SH3BP4: variants seen among roughly 807,000 people sequenced by gnomAD.
The protein encoded by SH3BP4 is SH3 domain binding protein 4.
In SH3BP4, 33 loss-of-function variants were observed where a neutral mutation model predicts 65.5. The observed-to-expected ratio is 0.50, with a 90% confidence interval of 0.38 to 0.67. The LOEUF is 0.67. Ranked by LOEUF, SH3BP4 falls within the 30% of genes least tolerant of loss-of-function variation. The probability of loss-of-function intolerance (pLI) is 0.00; values close to 1 mark genes in which losing one functional copy is unlikely to be tolerated. For missense variants in SH3BP4, 1,134 were observed against 1,261.4 expected (o/e 0.90, Z 1.53); for synonymous variants, 552 against 545.5 (o/e 1.01, Z -0.17).
chr2:235,041,384 C>T lies in SH3BP4; in HGVS notation c.615C>T (p.Ser205=), dbSNP rs1695636727. ...CAGGTACATCCTCCTTCACCGAATC[C>T]AGCTCAGCCACCACGAATAGCACTG... The part of the protein sequence containing the change: ...FDAGTSSFTE[S]SSATTNSTGN... The change falls in exon 4 of 6, where the codon TCC becomes TCT. Residue 205 remains serine (S), a synonymous_variant. Coordinates refer to ENST00000392011, the MANE Select transcript of SH3BP4 (RefSeq NM_014521.3). This position sits in a 1 kb window ranked among gnomAD's most constrained non-coding sequence, Gnocchi z 6.0. 3.7e-6 allele frequency: 6 copies of T among 1,614,216 alleles called. No homozygotes were observed. The highest frequency in any genetic ancestry group is 5.1e-6 in the Non-Finnish European group (6 of 1,180,040).
At chr2:234,965,315 A>G (rs189373927) in intron 1 of SH3BP4, among the ~76,000 whole-genome samples, 30 of 152,284 alleles carry the variant, frequency 2.0e-4, no homozygotes, top group Admixed American at 1.0e-3. Context: ...AGGTCAGCGG[A>G]CAGGCTGTGT....
chr2:235,038,320 T>TATATAATATATA (rs1695483410), intron 3 of SH3BP4, among the ~76,000 whole-genome samples: 1 of 15,072 alleles, frequency 6.6e-5, no homozygotes, highest in African/African-American at 3.1e-4. Flanking sequence ...TATTATATAT[T>TATATAATATATA]ATATATATAT....
chr2:235,010,495 A>C (rs1694445676), intron 2 of SH3BP4, among the ~76,000 whole-genome samples: 1 of 152,238 alleles, frequency 6.6e-6, no homozygotes, highest in Admixed American at 6.5e-5. Context: ...TCTGTCTCAT[A>C]GGGCACTTGT....
At chr2:235,007,764 G>A (rs913318402) in intron 2 of SH3BP4, among the ~76,000 whole-genome samples, 6 of 152,200 alleles carry the variant, frequency 3.9e-5, no homozygotes, top group African/African-American at 1.4e-4. Flanking sequence ...TCCTGAGCCC[G>A]TGGGGGCAGT....
At chr2:235,039,129 T>C (rs1574842286) in intron 3 of SH3BP4, among the ~76,000 whole-genome samples, 1 of 152,256 alleles carries the variant, frequency 6.6e-6, no homozygotes, top group South Asian at 2.1e-4. Flanking sequence ...CGAGTCTGGG[T>C]TTAGTGATCC....
intron 4 of SH3BP4, among the ~76,000 whole-genome samples, chr2:235,048,143 A>T (rs1487349791): frequency 6.6e-6 from 1 of 152,144 alleles, no homozygotes; most frequent in Non-Finnish European, 1.5e-5. Context: ...GATTCCTCCC[A>T]GGCAGCCCCA....
chr2:234,980,045 A>G (rs984496493), intron 1 of SH3BP4: 4 of 152,220 alleles, frequency 2.6e-5, no homozygotes, highest in African/African-American at 7.2e-5. Flanking sequence ...TAGCTAATAC[A>G]TAGTCTTGCA....
chr2:234,954,431 T>A (rs1165163028), intron 1 of SH3BP4, among the ~76,000 whole-genome samples: 1 of 152,110 alleles, frequency 6.6e-6, no homozygotes, highest in African/African-American at 2.4e-5. Context: ...CTGATCAGGG[T>A]CTGTCTAGTT....
At position 234,967,556 on chromosome 2, in the gene SH3BP4, C is replaced by A. The variant is rs1444633287; in HGVS notation, c.-207+15386C>A. The stretch of plus-strand genomic sequence containing the variant: ...CCCTGCAGCTTCTGCAGCAGCCTTG[C>A]ACTTCCCTAAGTGGTATTGGAGCTG... On this transcript the variant is annotated intron_variant, in intron 1 of 5. Coordinates refer to ENST00000392011, the MANE Select transcript of SH3BP4 (RefSeq NM_014521.3). This position sits in a 1 kb window ranked among gnomAD's most constrained non-coding sequence, Gnocchi z 4.6. Among the ~76,000 whole-genome samples, 1 of 152,200 alleles carries A rather than the reference C, an allele frequency of 6.6e-6. No individual in the cohort carries two copies. The highest frequency in any genetic ancestry group is 2.4e-5 in the African/African-American group (1 of 41,454).
At chr2:235,013,515 G>A (rs1348325643) in intron 2 of SH3BP4, among the ~76,000 whole-genome samples, 2 of 152,176 alleles carry the variant, frequency 1.3e-5, no homozygotes, top group African/African-American at 4.8e-5. Flanking sequence ...ATTTGCATTA[G>A]TAATTATTTT....
At chr2:234,986,453 T>C (rs961462299) in intron 1 of SH3BP4, among the ~76,000 whole-genome samples, 1 of 152,200 alleles carries the variant, frequency 6.6e-6, no homozygotes, top group African/African-American at 2.4e-5. Context: ...TTCAAAGACT[T>C]GTGATTTTAT....
At chr2:235,005,443 G>A (rs756293646) in intron 2 of SH3BP4, among the ~76,000 whole-genome samples, 6 of 152,032 alleles carry the variant, frequency 3.9e-5, no homozygotes, top group Non-Finnish European at 8.8e-5. Flanking sequence ...CTTCCCTGGC[G>A]TCACTTCCCC....
intron 2 of SH3BP4, among the ~76,000 whole-genome samples, chr2:235,012,098 TA>T (rs1286015923): frequency 6.6e-6 from 1 of 152,184 alleles, no homozygotes; most frequent in Admixed American, 6.5e-5. Context: ...CTTATTGGTT[TA>T]AACACTCTGG....
chr2:234,999,340 C>G (rs190062127), intron 2 of SH3BP4, among the ~76,000 whole-genome samples: 6 of 152,128 alleles, frequency 3.9e-5, no homozygotes, highest in Non-Finnish European at 1.5e-5. Flanking sequence ...AGAAAGATTC[C>G]GCTATTATTT....
chr2:235,051,834 G>A (rs780937382), intron 4 of SH3BP4, among the ~76,000 whole-genome samples: 10 of 152,188 alleles, frequency 6.6e-5, no homozygotes, highest in African/African-American at 1.7e-4. Flanking sequence ...CATCCGTCTC[G>A]GCCTCAGGCT....
At chr2:235,000,172 C>T (rs545622391) in intron 2 of SH3BP4, among the ~76,000 whole-genome samples, 5 of 152,328 alleles carry the variant, frequency 3.3e-5, no homozygotes, top group South Asian at 4.1e-4. Flanking sequence ...CACTTATCCT[C>T]GGCTGGGCTT....
chr2:234,958,741 A>G (rs4429425), intron 1 of SH3BP4, among the ~76,000 whole-genome samples: 127,973 of 151,932 alleles, frequency 0.84, 54,303 homozygotes, highest in Non-Finnish European at 0.9. Flanking sequence ...GACAGTTCTG[A>G]GTCTATCATG....
intron 1 of SH3BP4, among the ~76,000 whole-genome samples, chr2:234,988,098 C>T (rs1424342336): frequency 2.0e-5 from 3 of 152,076 alleles, no homozygotes; most frequent in Non-Finnish European, 2.9e-5. Flanking sequence ...CTCACTCTGT[C>T]GCCCAGGCTG....
intron 1 of SH3BP4, among the ~76,000 whole-genome samples, chr2:234,968,227 A>G (rs891615607): frequency 5.0e-4 from 76 of 152,178 alleles, no homozygotes; most frequent in African/African-American, 1.7e-3. Context: ...CAACATCAGT[A>G]GACTTATGAG....
Sources: allele counts gnomAD v4.1 joint callset (sites outside exome capture counted in the v4.1 genomes callset), GRCh38; gene constraint gnomAD v4.1.1; non-coding constraint Gnocchi (gnomAD v3.1); transcripts MANE v1.5; gene names NCBI Gene and HGNC (gene_info 2026-07-23, HGNC 2026-07-21).